The following HMCN1 variants were observed in gnomAD, a reference collection of about 807,000 sequenced individuals.
HMCN1 encodes the protein hemicentin-1.
HMCN1 carries 321 observed loss-of-function variants against 625.9 expected under a neutral mutation model. The ratio of observed to expected loss-of-function variants is 0.51; its 90% confidence interval spans 0.47 to 0.56. The LOEUF is 0.56. Among genes scored for constraint, HMCN1 ranks in the 20% least tolerant of loss-of-function variants. The probability of loss-of-function intolerance (pLI) is 0.00; values close to 1 mark genes in which losing one functional copy is unlikely to be tolerated. For synonymous variants in HMCN1, 2,425 were observed against 2,417.6 expected (o/e 1.00, Z -0.09); for missense variants, 6,588 against 6,887.3 (o/e 0.96, Z 1.54).
chr1:186,176,501 C>T (rs973603123), intron 103 of HMCN1, among the ~76,000 whole-genome samples: 4 of 152,160 alleles, frequency 2.6e-5, no homozygotes, highest in African/African-American at 9.7e-5. Context: ...CCCATATGAT[C>T]TTTTTTGTTT....
chr1:185,884,560 A>G (rs1029484166), intron 4 of HMCN1, among the ~76,000 whole-genome samples: 1 of 151,904 alleles, frequency 6.6e-6, no homozygotes, highest in African/African-American at 2.4e-5. Context: ...TAACAATCCT[A>G]TTCTCTCTCT....
rs539775023 is a variant in HMCN1, at chr1:186,120,163, C to G, written c.12229+18C>G. 37 of 1,612,208 alleles carry G rather than the reference C, an allele frequency of 2.3e-5. No homozygotes were observed. The African/African-American group carries it at 4.5e-4, about 20-fold the overall frequency. ...TGTCCAAGGTACCTAAATAATTCAT[C>G]TCTGTTTTCAATTCAAAGATGTTTG... is the stretch of plus-strand genomic sequence containing the variant. On this transcript the variant is annotated intron_variant, in intron 80 of 106. Transcript: ENST00000271588.
At chr1:186,151,406 T>C in intron 94 of HMCN1, 57 bp downstream of exon 94, 1 of 1,511,150 alleles carries the variant, frequency 6.6e-7, no homozygotes, top group South Asian at 1.1e-5. Flanking sequence ...TTCATCTTAT[T>C]ACTTCCATTA....
intron 97 of HMCN1, among the ~76,000 whole-genome samples, chr1:186,158,605 T>G (rs1006445707): frequency 1.2e-4 from 19 of 152,260 alleles, no homozygotes; most frequent in African/African-American, 4.3e-4. Flanking sequence ...CTTGAATTGA[T>G]TTTTGTATAA....
At chr1:186,174,780 T>C in intron 103 of HMCN1, 138 bp downstream of exon 103, 2 of 771,588 alleles carry the variant, frequency 2.6e-6, no homozygotes, top group Non-Finnish European at 4.4e-6. Context: ...ATTTACGTCA[T>C]TCAACACAAT....
chr1:185,928,394 T>C, intron 9 of HMCN1, 152 bp from the exon 10 acceptor site: 5 of 636,728 alleles, frequency 7.9e-6, no homozygotes, highest in Non-Finnish European at 2.7e-6. Flanking sequence ...AAATGGTGTG[T>C]CATTTTAAGT....
intron 1 of HMCN1, among the ~76,000 whole-genome samples, chr1:185,820,410 T>A (rs1346259126): frequency 2.0e-5 from 3 of 152,290 alleles, no homozygotes; most frequent in East Asian, 1.9e-4. Flanking sequence ...ATGTTTTTTT[T>A]AAAACTGGGT....
chr1:186,072,455 C>A (rs1658534975), intron 52 of HMCN1, among the ~76,000 whole-genome samples: 1 of 152,076 alleles, frequency 6.6e-6, no homozygotes, highest in South Asian at 2.1e-4. Flanking sequence ...GTTTTAAATG[C>A]AGGGAATACA....
intron 36 of HMCN1, among the ~76,000 whole-genome samples, chr1:186,033,026 A>G (rs1007146615): frequency 1.3e-5 from 2 of 151,868 alleles, no homozygotes; most frequent in African/African-American, 2.4e-5. Context: ...GGGTCCATCA[A>G]CCAATGAGTG....
rs1049621708 is a variant in HMCN1, at chr1:185,809,212, T to C, written c.269-36814T>C. Among the ~76,000 whole-genome samples the C allele has an allele frequency of 4.6e-5, 7 of 152,276 alleles. 1 individual carries two copies. The highest frequency in any genetic ancestry group is 1.4e-4 in the African/African-American group (6 of 41,570). On this transcript the variant is annotated intron_variant, in intron 1 of 106. Coordinates refer to ENST00000271588, the MANE Select transcript of HMCN1 (RefSeq NM_031935.3). ...CCATTTTACAGACGGGGCTGGAGAC[T>C]AAGGTCATTTTCTGGAAAACAGATT...
chr1:186,145,485 A>C lies in HMCN1; in HGVS notation c.14349A>C (p.Thr4783=). The C allele has an allele frequency of 6.2e-7, 1 of 1,613,880 alleles. No individual in the cohort carries two copies. The highest frequency in any genetic ancestry group is 8.5e-7 in the Non-Finnish European group (1 of 1,179,900). The change falls in exon 92 of 107, where the codon ACA becomes ACC. Residue 4783 remains threonine (T), a synonymous_variant. Coordinates refer to ENST00000271588, the MANE Select transcript of HMCN1 (RefSeq NM_031935.3). ...GAGGGCAGATGCGGCGGTACCGCAC[A>C]TGTGATAACCCTCCTCCCTCCAATG... The part of the protein sequence containing the change: ...CNGGQMRRYR[T]CDNPPPSNGG...
intron 45 of HMCN1, among the ~76,000 whole-genome samples, chr1:186,057,013 T>C (rs567938508): frequency 4.1e-4 from 60 of 147,154 alleles, no homozygotes; most frequent in Admixed American, 2.4e-3. Flanking sequence ...AGAAGTGACA[T>C]TTTTACTTCC....
At chr1:186,034,799 C>A (rs1655713207) in intron 36 of HMCN1, among the ~76,000 whole-genome samples, 2 of 152,024 alleles carry the variant, frequency 1.3e-5, no homozygotes, top group Admixed American at 1.3e-4. Flanking sequence ...GTTAATTTCC[C>A]AAGTTCTGAA....
At chr1:185,936,016 A>G (rs1235339171) in intron 11 of HMCN1, among the ~76,000 whole-genome samples, 1 of 152,156 alleles carries the variant, frequency 6.6e-6, no homozygotes, top group East Asian at 1.9e-4. Flanking sequence ...AACTTAAAAG[A>G]CAAAATAATA....
intron 1 of HMCN1, among the ~76,000 whole-genome samples, chr1:185,783,498 G>A (rs1657304091): frequency 6.6e-6 from 1 of 152,236 alleles, no homozygotes; most frequent in Admixed American, 6.5e-5. Context: ...GGTCTTTGAT[G>A]ATGGTGACGT....
chr1:185,853,078 A>G (rs956218067), intron 2 of HMCN1, among the ~76,000 whole-genome samples: 1 of 152,110 alleles, frequency 6.6e-6, no homozygotes, highest in African/African-American at 2.4e-5. Flanking sequence ...CTGTTTAAAT[A>G]ACCTTATTGA....
chr1:185,763,047 G>C (rs1655615553), intron 1 of HMCN1, among the ~76,000 whole-genome samples: 1 of 152,154 alleles, frequency 6.6e-6, no homozygotes. Flanking sequence ...TGTCCTCTGA[G>C]TGAGATTGTC....
chr1:186,165,004 C>A, intron 97 of HMCN1, 107 bp from the exon 98 acceptor site: 1 of 952,130 alleles, frequency 1.1e-6, no homozygotes, highest in Non-Finnish European at 1.7e-6. Context: ...ATTTTTGCAT[C>A]ATGTGTTTCA....
chr1:185,857,613 G>A (rs1034772941), intron 2 of HMCN1, among the ~76,000 whole-genome samples: 11 of 152,048 alleles, frequency 7.2e-5, no homozygotes, highest in African/African-American at 2.4e-4. Context: ...CATAGGGGGA[G>A]TTAGCTTTAT....
Sources: gnomAD v4.1 joint callset for allele counts (sites outside exome capture counted in the v4.1 genomes callset) on GRCh38, gnomAD v4.1.1 for gene constraint, MANE v1.5 for transcripts, NCBI Gene and HGNC (gene_info 2026-07-23, HGNC 2026-07-21) for gene names.